The following MAP3K9 variants were observed in gnomAD, a reference collection of about 807,000 sequenced individuals.
MAP3K9 encodes the protein mixed lineage kinase 1 (tyr and ser/thr specificity).
MAP3K9 carries 46 observed loss-of-function variants against 95.8 expected under a neutral mutation model. The observed-to-expected ratio is 0.48, with a 90% CI of 0.38 to 0.61. The LOEUF is 0.61. Ranked by LOEUF, MAP3K9 falls within the 20% of genes least tolerant of loss-of-function variation. The pLI is 0.00. For missense variants in MAP3K9, 1,296 were observed against 1,474.3 expected (o/e 0.88, Z 1.98); for synonymous variants, 533 against 593.8 (o/e 0.90, Z 1.49).
intron 2 of MAP3K9, among the ~76,000 whole-genome samples, chr14:70,787,900 C>A (rs1038014371): frequency 2.6e-5 from 4 of 151,986 alleles, no homozygotes; most frequent in Non-Finnish European, 5.9e-5. Context: ...AAGTCCTATA[C>A]TAGGGATGAT....
intron 3 of MAP3K9, among the ~76,000 whole-genome samples, chr14:70,756,322 A>T (rs1432557544): frequency 6.6e-6 from 1 of 152,186 alleles, no homozygotes; most frequent in Non-Finnish European, 1.5e-5. Flanking sequence ...GAGCAATTTC[A>T]GGGTTAGGCT....
rs1594762968 is a variant in MAP3K9 at position 70,732,981 on chromosome 14, A to C, written c.2388T>G (p.Gly796=). Residue 796 remains glycine (G), a synonymous_variant, in exon 11 of 12, where the codon GGT becomes GGG. Coordinates refer to ENST00000554752, the MANE Select transcript of MAP3K9 (RefSeq NM_001284230.2). ...PAREEKKRRE[G]LFQRSSRPRR... Reference sequence around the variant, plus strand: ...GAGGACGGCTGGACCTCTGAAAAAGACCCTCCCGTCTTTTCTTCTCCTCCC... The same window carrying C: ...GAGGACGGCTGGACCTCTGAAAAAGCCCCTCCCGTCTTTTCTTCTCCTCCC... 2 of 1,613,324 alleles carry C rather than the reference A, an allele frequency of 1.2e-6. No individual in the cohort carries two copies. The highest frequency in any genetic ancestry group is 1.7e-6 in the Non-Finnish European group (2 of 1,179,882).
chr14:70,730,366 C>A lies in MAP3K9; in HGVS notation c.*14G>T, dbSNP rs1483338941. 1 of 1,594,700 alleles carries A rather than the reference C, an allele frequency of 6.3e-7. No individual in the cohort carries two copies. Among genetic ancestry groups the A allele is most frequent in the Non-Finnish European group, 8.6e-7 (1 of 1,165,388 alleles). ...CGCTGGCTGTCCCCCTTGCCCGCCCCAATCCTTTTCGTGCTAAGACCAGAA... is the reference window on the plus strand; with the variant it reads ...CGCTGGCTGTCCCCCTTGCCCGCCCAAATCCTTTTCGTGCTAAGACCAGAA... On this transcript the variant is annotated 3_prime_UTR_variant, in exon 12 of 12. Transcript: ENST00000554752.
chr14:70,766,956 T>C (rs1369760253), intron 2 of MAP3K9, among the ~76,000 whole-genome samples: 2 of 152,162 alleles, frequency 1.3e-5, no homozygotes, highest in Non-Finnish European at 2.9e-5. Context: ...GACTGCTGCA[T>C]ATATATGGGT....
chr14:70,749,110 C>G (rs1025965693), intron 4 of MAP3K9, 106 bp from the exon 5 acceptor site: 4 of 1,073,338 alleles, frequency 3.7e-6, no homozygotes, highest in Non-Finnish European at 5.4e-6. Flanking sequence ...CCTCTTACTT[C>G]TTCCAGAAAC....
At chr14:70,785,255 G>A (rs1481646474) in intron 2 of MAP3K9, among the ~76,000 whole-genome samples, 1 of 152,088 alleles carries the variant, frequency 6.6e-6, no homozygotes, top group Non-Finnish European at 1.5e-5. Flanking sequence ...AATTCTAAAG[G>A]ACCAAATACA....
chr14:70,758,122 G>GA (rs201446867), intron 3 of MAP3K9, among the ~76,000 whole-genome samples: 162 of 150,696 alleles, frequency 1.1e-3, no homozygotes, highest in African/African-American at 3.8e-3. Flanking sequence ...CTACAGAATG[G>GA]AAAAAAAAAT....
intron 2 of MAP3K9, among the ~76,000 whole-genome samples, chr14:70,774,020 TC>T (rs2054563345): frequency 6.6e-6 from 1 of 152,186 alleles, no homozygotes; most frequent in South Asian, 2.1e-4. Flanking sequence ...AAGATCCCAG[TC>T]AACAGAGTCT....
intron 2 of MAP3K9, among the ~76,000 whole-genome samples, chr14:70,793,650 T>TGTTTC (rs2054830776): frequency 1.4e-5 from 2 of 138,464 alleles, no homozygotes; most frequent in Non-Finnish European, 3.1e-5. Flanking sequence ...GTTCACATGA[T>TGTTTC]ATTTCATTCA....
At chr14:70,783,235 C>G in intron 2 of MAP3K9, 1 of 983,058 alleles carries the variant, frequency 1.0e-6, no homozygotes, top group Non-Finnish European at 1.2e-6. Flanking sequence ...GTTAGAAGCC[C>G]AGGACAGTAC....
At chr14:70,794,286 C>T (rs1402231704) in intron 2 of MAP3K9, among the ~76,000 whole-genome samples, 1 of 152,250 alleles carries the variant, frequency 6.6e-6, no homozygotes, top group Admixed American at 6.5e-5. Context: ...TCACCACTCA[C>T]CTCTGCTCTT....
chr14:70,740,536 T>C (rs1255535134), intron 6 of MAP3K9, among the ~76,000 whole-genome samples: 2 of 152,222 alleles, frequency 1.3e-5, no homozygotes, highest in South Asian at 4.1e-4. Flanking sequence ...TATTATCAGA[T>C]AGATTTGGTC....
chr14:70,751,249 G>A lies in MAP3K9; in HGVS notation c.1002-1168C>T, dbSNP rs538675607. On this transcript the variant is annotated intron_variant, in intron 3 of 11. Coordinates refer to ENST00000554752, the MANE Select transcript of MAP3K9 (RefSeq NM_001284230.2). ...TGGAAGAATTATTCTGTGAATTCAC[G>A]ATCAGAACCAGACACAATCACACAG... Among the ~76,000 whole-genome samples the A allele has an allele frequency of 7.2e-5, 11 of 152,232 alleles. No homozygotes were observed. The East Asian group carries it at 1.5e-3, about 21-fold the overall frequency.
intron 9 of MAP3K9, among the ~76,000 whole-genome samples, chr14:70,734,877 G>A (rs1381172169): frequency 2.0e-5 from 3 of 152,258 alleles, no homozygotes; most frequent in African/African-American, 7.2e-5. Context: ...TGGCATGACA[G>A]TTACGGTGAT....
At chr14:70,770,256 C>T (rs561841862) in intron 2 of MAP3K9, among the ~76,000 whole-genome samples, 8 of 152,348 alleles carry the variant, frequency 5.3e-5, no homozygotes, top group Admixed American at 4.6e-4. Context: ...TCTTGGCTCA[C>T]TGCAACCTCC....
At chr14:70,777,779 A>G (rs750439881) in intron 2 of MAP3K9, among the ~76,000 whole-genome samples, 12 of 152,200 alleles carry the variant, frequency 7.9e-5, no homozygotes, top group East Asian at 7.7e-4. Context: ...CTGCGAAGAG[A>G]CACCAGCACC....
chr14:70,774,985 A>C (rs1453976689), intron 2 of MAP3K9, among the ~76,000 whole-genome samples: 1 of 4,862 alleles, frequency 2.1e-4, no homozygotes, highest in African/African-American at 9.2e-4. Context: ...TCTGTCCCCA[A>C]AAAAAAAAAA....
chr14:70,803,554 G>A lies in MAP3K9; in HGVS notation c.407-2474C>T, dbSNP rs1377238155. On this transcript the variant is annotated intron_variant, in intron 1 of 11. Transcript: ENST00000554752. ...CTCCGTTCTCCACTCAGATGCTGGT[G>A]GTGCTAAAAAATCTGTTCTTGCTTA... is the stretch of plus-strand genomic sequence containing the variant. Among the ~76,000 whole-genome samples, 5 of 152,028 alleles carry A rather than the reference G, an allele frequency of 3.3e-5. 1 individual carries two copies. The highest frequency in any genetic ancestry group is 7.4e-5 in the Non-Finnish European group (5 of 68,002).
intron 5 of MAP3K9, 108 bp downstream of exon 5, chr14:70,748,721 T>A (rs1566739477): frequency 1.3e-6 from 1 of 787,504 alleles, no homozygotes; most frequent in Non-Finnish European, 2.0e-6. Context: ...AGAATCAAGA[T>A]GGTCAGTCAG....
Sources: allele counts gnomAD v4.1 joint callset (sites outside exome capture counted in the v4.1 genomes callset), GRCh38; gene constraint gnomAD v4.1.1; transcripts MANE v1.5; gene names NCBI Gene and HGNC (gene_info 2026-07-23, HGNC 2026-07-21).